The following SLC1A6 variants were observed in gnomAD, a reference collection of about 807,000 sequenced individuals.
SLC1A6 encodes the protein solute carrier family 1 member 6.
Under a neutral mutation model 42.1 loss-of-function variants are expected in SLC1A6, and 15 were observed. The observed-to-expected ratio is 0.36, with a 90% CI of 0.24 to 0.55. SLC1A6 has a LOEUF of 0.55. SLC1A6 is among the 20% of genes least tolerant of loss of function. SLC1A6 has a pLI of 0.88. For missense variants in SLC1A6, 542 were observed against 772.5 expected, an observed-to-expected ratio of 0.70 and a Z score of 3.54; for synonymous variants, 317 against 319.7, an observed-to-expected ratio of 0.99 and a Z score of 0.09.
At chr19:14,961,904 A>G (rs568919553) in intron 6 of SLC1A6, 98 bp downstream of exon 6, 11 of 1,498,708 alleles carry the variant, frequency 7.3e-6, no homozygotes, top group Middle Eastern at 2.2e-4. Context: ...TACGTAAATG[A>G]ATGACCAAAA....
chr19:14,973,097 T>A lies in SLC1A6; in HGVS notation c.-7-180A>T, dbSNP rs1600012825. On this transcript the variant is annotated intron_variant, in intron 1 of 9. Coordinates refer to ENST00000594383, the MANE Select transcript of SLC1A6 (RefSeq NM_005071.3). ...ACTTTGGGAGGCAGAGGCAGGAGAA[T>A]CACTTGCGCCCAGGAGTTCAAGACT... 2.2e-5 allele frequency: 13 copies of A among 586,520 alleles called. No individual in the cohort carries two copies. The East Asian group carries it at 3.7e-4, about 17-fold the overall frequency. 36.3% of individuals were successfully genotyped at this position (586,520 alleles called of 1,614,324 possible).
chr19:14,998,021 G>GTGTGTA lies in SLC1A6; in HGVS notation c.6+12463_6+12464insTACACA, dbSNP rs71168538. ...ATGATGTTTGTGTGTGTGTGTGTGT[G>GTGTGTA]TATGCACTATGGAATGAATAAATCA... is the stretch of plus-strand genomic sequence containing the variant. On this transcript the variant is annotated intron_variant, in intron 1 of 8. Transcript: ENST00000430939. Among the ~76,000 whole-genome samples, 430 of 151,486 alleles carry GTGTGTA rather than the reference G, an allele frequency of 2.8e-3. 4 individuals are homozygous for GTGTGTA. Among genetic ancestry groups the GTGTGTA allele is most frequent in the African/African-American group, 8.0e-3 (331 of 41,234 alleles).
chr19:14,953,144 GAAGAGATCAGCTCCCCAAGGC>G (rs1377716665), intron 8 of SLC1A6, 82 bp from the exon 9 acceptor site: 16 of 1,071,034 alleles, frequency 1.5e-5, no homozygotes, highest in Non-Finnish European at 2.0e-5. Flanking sequence ...AGAGAGAAGG[GAAGAGATCAGCTCCCCAAGGC>G]ATTTTAAATT....
Position 14,972,813 on chromosome 19 carries a change from C to G in SLC1A6, c.98G>C (p.Arg33Thr), listed in dbSNP as rs779202623. Residue 33 changes from arginine (R) to threonine (T), a missense_variant, in exon 2 of 10, where the codon AGA (arginine) becomes ACA (threonine). Coordinates refer to ENST00000594383, the MANE Select transcript of SLC1A6 (RefSeq NM_005071.3). ...LQRLQESLQQ[R>T]ALRTRLRLQT... is the part of the protein sequence containing the mutation. ...CAGGCGCAGGCGCGTGCGCAGTGCT[C>G]TCTGCTGCAGGCTTTCCTGCAGCCG... is the stretch of plus-strand genomic sequence containing the variant. 1.2e-6 allele frequency: 2 copies of G among 1,611,496 alleles called. No individual in the cohort carries two copies. The highest frequency in any genetic ancestry group is 1.1e-5 in the South Asian group (1 of 90,748).
intron 1 of SLC1A6, among the ~76,000 whole-genome samples, chr19:15,006,511 C>T (rs1600043935): frequency 2.0e-5 from 3 of 152,130 alleles, no homozygotes; most frequent in South Asian, 4.2e-4. Flanking sequence ...GGATGGCTGG[C>T]GTGGGAGTCG....
chr19:14,981,032 C>T (rs77341144), upstream of SLC1A6, among the ~76,000 whole-genome samples: 1 of 152,172 alleles, frequency 6.6e-6, no homozygotes, highest in African/African-American at 2.4e-5. Context: ...GTGGCCCATG[C>T]ATGTAATCCC....
chr19:14,983,527 A>G (rs1335741143), upstream of SLC1A6, among the ~76,000 whole-genome samples: 1 of 151,832 alleles, frequency 6.6e-6, no homozygotes, highest in East Asian at 1.9e-4. Context: ...CATCTCCACA[A>G]AAAATTTTAA....
chr19:14,982,764 C>T (rs145446020), upstream of SLC1A6, among the ~76,000 whole-genome samples: 1,196 of 152,118 alleles, frequency 7.9e-3, 23 homozygotes, highest in African/African-American at 0.026. Context: ...CTGGGAGATC[C>T]CAAAGAGCTT....
intron 3 of SLC1A6, among the ~76,000 whole-genome samples, chr19:14,969,164 G>A (rs760480357): frequency 3.9e-5 from 6 of 152,000 alleles, no homozygotes; most frequent in Non-Finnish European, 7.4e-5. Context: ...CATTCCACTT[G>A]TCATCCCACT....
At chr19:14,954,523 G>C (rs1035002080) in intron 7 of SLC1A6, among the ~76,000 whole-genome samples, 194 bp from the exon 8 acceptor site, 5 of 152,066 alleles carry the variant, frequency 3.3e-5, no homozygotes, top group African/African-American at 1.2e-4. Flanking sequence ...GAGAACAGGG[G>C]AGGAGTAGGT....
At chr19:15,009,008 C>T (rs2045910341) in intron 1 of SLC1A6, among the ~76,000 whole-genome samples, 2 of 150,360 alleles carry the variant, frequency 1.3e-5, no homozygotes, top group South Asian at 4.2e-4. Context: ...AATATATAAA[C>T]ATATATATAT....
At chr19:14,955,040 C>A (rs1022911183) in intron 7 of SLC1A6, among the ~76,000 whole-genome samples, 1 of 152,144 alleles carries the variant, frequency 6.6e-6, no homozygotes, top group African/African-American at 2.4e-5. Context: ...AGAAAAGTGA[C>A]CTAATTGATT....
intron 1 of SLC1A6, among the ~76,000 whole-genome samples, chr19:14,990,700 C>T (rs1047100650): frequency 2.7e-5 from 4 of 150,912 alleles, no homozygotes; most frequent in Non-Finnish European, 5.9e-5. Context: ...ACTTGGGAGG[C>T]GGAGGTTGCA....
chr19:15,005,884 G>A (rs986254828), intron 1 of SLC1A6, among the ~76,000 whole-genome samples: 4 of 152,250 alleles, frequency 2.6e-5, no homozygotes, highest in Non-Finnish European at 5.9e-5. Flanking sequence ...GCGTCTCTCA[G>A]GTAGCTTGGT....
intron 3 of SLC1A6, among the ~76,000 whole-genome samples, chr19:14,969,605 T>C (rs970913866): frequency 7.9e-5 from 12 of 152,152 alleles, no homozygotes; most frequent in African/African-American, 2.9e-4. Context: ...TCCTTGCGAG[T>C]TTCTCTTGAG....
upstream of SLC1A6, among the ~76,000 whole-genome samples, chr19:14,980,567 G>C (rs2023925): frequency 0.042 from 6,270 of 151,048 alleles, 275 homozygotes; most frequent in African/African-American, 0.1. Context: ...CGAGGCGGGA[G>C]GATCACTTGA....
intron 1 of SLC1A6, among the ~76,000 whole-genome samples, chr19:14,994,484 C>G (rs887980132): frequency 2.6e-5 from 4 of 152,202 alleles, no homozygotes; most frequent in East Asian, 1.9e-4. Flanking sequence ...TTCTTTACCC[C>G]CTACCACACC....
chr19:14,975,997 C>G (rs2045706674), intron 1 of SLC1A6, among the ~76,000 whole-genome samples: 1 of 152,126 alleles, frequency 6.6e-6, no homozygotes, highest in Non-Finnish European at 1.5e-5. Context: ...ACACTGTTCT[C>G]ATAACCAAGA....
In SLC1A6 at chr19:14,971,885, A is replaced by G. The variant is rs751482799; in HGVS notation, c.206-11T>C. The G allele has an allele frequency of 2.4e-5, 38 of 1,613,780 alleles. No individual in the cohort carries two copies. The highest frequency in any genetic ancestry group is 3.1e-5 in the Non-Finnish European group (37 of 1,179,918). ...AGGCCAGGCTGACCCCTAGGGCCAA[A>G]AGAAGGGGTCCATGGACTGAAGTCT... On this transcript the variant is annotated splice_polypyrimidine_tract_variant and intron_variant, in intron 2 of 9. Transcript: ENST00000594383.
Sources: gnomAD v4.1 joint callset for allele counts (sites outside exome capture counted in the v4.1 genomes callset) on GRCh38, gnomAD v4.1.1 for gene constraint, MANE v1.5 for transcripts, NCBI Gene and HGNC (gene_info 2026-07-23, HGNC 2026-07-21) for gene names.